Variants in DIP2C observed in about 807,000 individuals in gnomAD.
DIP2C encodes the protein DIP2 acetate--CoA ligase C (putative), also known as disco-interacting protein 2 homolog C.
In DIP2C, 33 loss-of-function variants were observed where a neutral mutation model predicts 192.4. That is an observed-to-expected ratio of 0.17 (90% CI 0.13 to 0.23). The LOEUF is 0.23. DIP2C is among the 10% of genes least tolerant of loss of function. DIP2C has a pLI of 1.00. For synonymous variants in DIP2C, 979 were observed against 864.1 expected (o/e 1.13, Z -2.33); for missense variants, 1,537 against 2,110.1 (o/e 0.73, Z 5.32).
chr10:353,159 T>C (rs1958905576), intron 24 of DIP2C, among the ~76,000 whole-genome samples: 1 of 92,316 alleles, frequency 1.1e-5, no homozygotes, highest in Non-Finnish European at 2.1e-5. Flanking sequence ...GGAGGCAGCA[T>C]GACCGGAGGG....
intron 31 of DIP2C, among the ~76,000 whole-genome samples, chr10:321,589 A>T (rs11251713): frequency 1.1e-4 from 7 of 62,020 alleles, no homozygotes; most frequent in African/African-American, 3.4e-4. Flanking sequence ...GCGGGGCTCC[A>T]GCGAGAGACC....
chr10:485,073 C>T (rs1843910560), intron 2 of DIP2C: 2 of 1,239,188 alleles, frequency 1.6e-6, no homozygotes, highest in Non-Finnish European at 2.2e-6. Flanking sequence ...GACCACAGGG[C>T]ACGACCGCCC....
At chr10:516,243 A>C (rs1048825469) in intron 1 of DIP2C, among the ~76,000 whole-genome samples, 1 of 124,512 alleles carries the variant, frequency 8.0e-6, no homozygotes, top group African/African-American at 3.2e-5. Flanking sequence ...AAATGTTCCC[A>C]CGTTTATAAC....
chr10:534,662 ATGAT>A (rs1847592594), intron 1 of DIP2C, among the ~76,000 whole-genome samples: 1 of 138,446 alleles, frequency 7.2e-6, no homozygotes, highest in Non-Finnish European at 1.6e-5. Flanking sequence ...TGTCTGCTGG[ATGAT>A]TATTATTTTT....
At chr10:587,064 A>C (rs1162673128) in intron 1 of DIP2C, among the ~76,000 whole-genome samples, 1 of 150,386 alleles carries the variant, frequency 6.6e-6, no homozygotes, top group Non-Finnish European at 1.5e-5. Context: ...GGCGAGGGGC[A>C]AACAGTGCAG....
At chr10:473,261 A>G (rs747464917) in intron 2 of DIP2C, among the ~76,000 whole-genome samples, 2 of 152,250 alleles carry the variant, frequency 1.3e-5, no homozygotes, top group African/African-American at 4.8e-5. Flanking sequence ...CAAGGAACAC[A>G]ACTAGACAAA....
At chr10:604,311 GCAACCTATAA>G (rs1852316339) in intron 1 of DIP2C, among the ~76,000 whole-genome samples, 1 of 152,162 alleles carries the variant, frequency 6.6e-6, no homozygotes, top group African/African-American at 2.4e-5. Flanking sequence ...AGTCACCCAT[GCAACCTATAA>G]ATATTTGACT....
At chr10:485,264 G>A (rs913691846) in intron 2 of DIP2C, among the ~76,000 whole-genome samples, 6 of 152,222 alleles carry the variant, frequency 3.9e-5, no homozygotes, top group Non-Finnish European at 8.8e-5. Context: ...CACCTGCAGA[G>A]GGGAACTCAC....
chr10:428,325 G>A (rs1362256117), intron 4 of DIP2C, among the ~76,000 whole-genome samples: 1 of 152,092 alleles, frequency 6.6e-6, no homozygotes, highest in East Asian at 1.9e-4. Flanking sequence ...TCTTTAGCAT[G>A]TTTATAGTGT....
chr10:507,631 C>A (rs1845707640), intron 1 of DIP2C, among the ~76,000 whole-genome samples: 1 of 152,230 alleles, frequency 6.6e-6, no homozygotes, highest in South Asian at 2.1e-4. Context: ...CAGCTTCCTT[C>A]AAAACTTGAA....
At chr10:383,969 A>C in intron 16 of DIP2C, 58 bp downstream of exon 16, 1 of 1,408,474 alleles carries the variant, frequency 7.1e-7, no homozygotes, top group Non-Finnish European at 9.2e-7. Context: ...TCACGAAAAA[A>C]AAAAAAAAAA....
intron 17 of DIP2C, chr10:370,101 C>A: frequency 2.1e-6 from 2 of 954,204 alleles, no homozygotes; most frequent in Non-Finnish European, 2.5e-6. Flanking sequence ...GACTGTCCAG[C>A]CTCAATTCAG....
chr10:413,805 C>A, intron 8 of DIP2C, 108 bp downstream of exon 8: 1 of 1,391,434 alleles, frequency 7.2e-7, no homozygotes, highest in Non-Finnish European at 9.8e-7. Flanking sequence ...AGAGGGTTAG[C>A]CTCGGGATTA....
At chr10:372,026 G>A (rs1166758528) in intron 17 of DIP2C, among the ~76,000 whole-genome samples, 1 of 151,896 alleles carries the variant, frequency 6.6e-6, no homozygotes, top group Non-Finnish European at 1.5e-5. Context: ...GTTATCTCAG[G>A]GCCCAAAAAC....
At chr10:343,120 T>A (rs1958241316) in intron 28 of DIP2C, among the ~76,000 whole-genome samples, 1 of 152,166 alleles carries the variant, frequency 6.6e-6, no homozygotes, top group South Asian at 2.1e-4. Flanking sequence ...AAACCCCATC[T>A]CTACTAAACA....
At chr10:544,563 T>C (rs1396690962) in intron 1 of DIP2C, among the ~76,000 whole-genome samples, 2 of 152,218 alleles carry the variant, frequency 1.3e-5, no homozygotes, top group Non-Finnish European at 2.9e-5. Context: ...TAGCAATATA[T>C]ACAGATTCCA....
chr10:610,928 G>C (rs573025339), intron 1 of DIP2C, among the ~76,000 whole-genome samples: 5 of 147,176 alleles, frequency 3.4e-5, no homozygotes, highest in South Asian at 4.4e-4. Flanking sequence ...CATGGGGGTG[G>C]TTTCTAACCC....
intron 1 of DIP2C, among the ~76,000 whole-genome samples, chr10:605,009 T>C (rs1157395981): frequency 3.3e-5 from 5 of 152,144 alleles, no homozygotes; most frequent in African/African-American, 9.7e-5. Flanking sequence ...TGCAGACACA[T>C]CAAAAGCTTC....
rs1050996512 is a variant in DIP2C, at chr10:485,540, A to G, written c.157+919T>C. Among the ~76,000 whole-genome samples, 3 of 152,138 alleles carry G rather than the reference A, an allele frequency of 2.0e-5. 1 individual carries two copies. The highest frequency in any genetic ancestry group is 4.4e-5 in the Non-Finnish European group (3 of 68,034). The stretch of plus-strand genomic sequence containing the variant: ...AAGAAAAACACGAAATGAAAACAAA[A>G]CTACCAATAGCAGAATCTCCACACC... On this transcript the variant is annotated intron_variant, in intron 2 of 36. Transcript: ENST00000280886.
Sources: gnomAD v4.1 joint callset for allele counts (sites outside exome capture counted in the v4.1 genomes callset) on GRCh38, gnomAD v4.1.1 for gene constraint, MANE v1.5 for transcripts, NCBI Gene and HGNC (gene_info 2026-07-23, HGNC 2026-07-21) for gene names.